Variants in TNRC6B observed in about 807,000 individuals in gnomAD.
The protein encoded by TNRC6B is trinucleotide repeat containing adaptor 6B, also known as trinucleotide repeat-containing gene 6B protein.
A neutral mutation model predicts 203.6 loss-of-function variants in TNRC6B; 52 were observed. That is an observed-to-expected ratio of 0.26 (90% CI 0.20 to 0.32). TNRC6B has a LOEUF of 0.32. Ranked by LOEUF, TNRC6B falls within the 10% of genes least tolerant of loss-of-function variation. The pLI is 1.00. For synonymous variants in TNRC6B, 838 were observed against 845.7 expected, an observed-to-expected ratio of 0.99 and a Z score of 0.16; for missense variants, 1,923 against 2,286.2, an observed-to-expected ratio of 0.84 and a Z score of 3.24.
At chr22:40,156,164 C>G in exon 4 of TNRC6B, 1 of 1,577,354 alleles carries the variant, frequency 6.3e-7, no homozygotes, top group Non-Finnish European at 8.6e-7. Context: ...ACTCCACCTC[C>G]TGGTGAAGAA....
intron 3 of TNRC6B, among the ~76,000 whole-genome samples, chr22:40,148,036 T>C (rs1447839759): frequency 6.6e-6 from 1 of 152,166 alleles, no homozygotes; most frequent in Non-Finnish European, 1.5e-5. Flanking sequence ...TTATGGCATA[T>C]AGGTTATATC....
Position 40,250,466 on chromosome 22 carries a change from T to C in TNRC6B, c.94-713T>C, listed in dbSNP as rs1270159613. Among the ~76,000 whole-genome samples the C allele has an allele frequency of 2.0e-5, 3 of 152,288 alleles. No individual in the cohort carries two copies. In the East Asian group the frequency reaches 5.8e-4, roughly 29 times the overall value. The stretch of plus-strand genomic sequence containing the variant: ...TTACTATATAAAGAAATACTTTCTT[T>C]TTTTTTTAACAAAGCACCCTTGATT... On this transcript the variant is annotated intron_variant, in intron 2 of 22. Coordinates refer to ENST00000454349, the MANE Select transcript of TNRC6B (RefSeq NM_001162501.2).
At chr22:40,222,428 GGAGGAATGGGGCTTGTGT>G (rs1445117765) in intron 1 of TNRC6B, among the ~76,000 whole-genome samples, 2 of 152,168 alleles carry the variant, frequency 1.3e-5, no homozygotes, top group Non-Finnish European at 2.9e-5. Flanking sequence ...AGAGGGCCAA[GGAGGAATGGGGCTTGTGT>G]GAGGAAATGG....
intron 3 of TNRC6B, among the ~76,000 whole-genome samples, chr22:40,257,491 T>G (rs1279990761): frequency 6.7e-6 from 1 of 148,554 alleles, no homozygotes; most frequent in South Asian, 2.2e-4. Flanking sequence ...CTGAGGCAGG[T>G]GGATCACCTG....
Position 40,335,036 on chromosome 22 carries a change from T to C in TNRC6B, c.*11795T>C, listed in dbSNP as rs1242081702. ...TTACCTTTAAGTGTTTTTTTTTTCT[T>C]ATACTTGAAGTTGCTTTTACGATAT... On this transcript the variant is annotated 3_prime_UTR_variant, in exon 23 of 23. Coordinates refer to ENST00000454349, the MANE Select transcript of TNRC6B (RefSeq NM_001162501.2). The C allele has an allele frequency of 6.6e-6, 1 of 152,570 alleles. No individual in the cohort carries two copies. Among genetic ancestry groups the C allele is most frequent in the Admixed American group, 6.5e-5 (1 of 15,280 alleles). The allele number at this position is 152,570 out of a possible 1,614,324, so 9.5% of individuals were successfully genotyped here.
chr22:40,165,830 C>G (rs570349790), intron 4 of TNRC6B, among the ~76,000 whole-genome samples: 174 of 152,134 alleles, frequency 1.1e-3, no homozygotes, highest in Non-Finnish European at 2.0e-3. Context: ...GAGTAACCAC[C>G]CCCATGATTC....
chr22:40,270,092 G>A lies in TNRC6B; in HGVS notation c.2807-30G>A, dbSNP rs774556758. 3.8e-6 allele frequency: 6 copies of A among 1,563,952 alleles called. No individual in the cohort carries two copies. The South Asian group carries it at 7.1e-5, about 18-fold the overall frequency. ...TATTATGGCATTTCATTTAACAAATGATTCTTAGAGACATTTCCTTTCTTT... is the reference window on the plus strand; with the variant it reads ...TATTATGGCATTTCATTTAACAAATAATTCTTAGAGACATTTCCTTTCTTT... On this transcript the variant is annotated intron_variant, in intron 5 of 22. Transcript: ENST00000454349.
chr22:40,126,191 TC>T (rs1297619956), intron 3 of TNRC6B, among the ~76,000 whole-genome samples: 6 of 152,366 alleles, frequency 3.9e-5, no homozygotes, highest in African/African-American at 1.2e-4. Context: ...GGTCCCCTGT[TC>T]CTGCTGCACA....
intron 3 of TNRC6B, among the ~76,000 whole-genome samples, chr22:40,254,058 C>T (rs927110426): frequency 6.6e-6 from 1 of 152,026 alleles, no homozygotes; most frequent in East Asian, 1.9e-4. Context: ...CCTGTATTCT[C>T]CACCATTAAA....
rs1569075354 is a variant in TNRC6B, at chr22:40,331,259, T to C, written c.*8018T>C. The C allele has an allele frequency of 1.3e-5, 2 of 154,078 alleles. No homozygotes were observed. The highest frequency in any genetic ancestry group is 1.4e-5 in the Non-Finnish European group (1 of 69,128). The allele number at this position is 154,078 out of a possible 1,614,324, so 9.5% of individuals were successfully genotyped here. A position where few individuals can be genotyped will look rare whatever the true frequency, so the allele number is the denominator to read the frequency against. The stretch of plus-strand genomic sequence containing the variant: ...GGGTATTACACACAAGGAAAAGGGG[T>C]TTTGAAGAGTTAAGATTGAAGTGTT... On this transcript the variant is annotated 3_prime_UTR_variant, in exon 23 of 23. Coordinates refer to ENST00000454349, the MANE Select transcript of TNRC6B (RefSeq NM_001162501.2).
intron 1 of TNRC6B, among the ~76,000 whole-genome samples, chr22:40,199,882 C>T (rs1319448256): frequency 2.6e-5 from 4 of 152,010 alleles, no homozygotes; most frequent in East Asian, 1.9e-4. Flanking sequence ...CTGCAACCTC[C>T]GCCTTCTGGG....
At chr22:40,221,651 T>C (rs930041482) in intron 1 of TNRC6B, among the ~76,000 whole-genome samples, 2 of 151,892 alleles carry the variant, frequency 1.3e-5, no homozygotes, top group African/African-American at 4.8e-5. Context: ...TTGGCCAAGC[T>C]GGTCTTGAAC....
At position 40,169,080 on chromosome 22, in the gene TNRC6B, A is replaced by G. The variant is rs752998255; in HGVS notation, c.113+12898A>G. The stretch of plus-strand genomic sequence containing the variant: ...ACATAGTAGGTGCTGTGCAACAAAT[A>G]ATGGTTGTTGACTGCATGAATGAAT... On this transcript the variant is annotated intron_variant, in intron 4 of 23. Coordinates refer to the TNRC6B transcript ENST00000301923. 6.0e-5 allele frequency among the ~76,000 whole-genome samples: 9 copies of G among 151,258 alleles called. 1 individual carries two copies. Among genetic ancestry groups the G allele is most frequent in the Non-Finnish European group, 1.3e-4 (9 of 67,908 alleles).
intron 4 of TNRC6B, among the ~76,000 whole-genome samples, chr22:40,166,673 G>T (rs949388617): frequency 8.5e-5 from 13 of 152,232 alleles, no homozygotes; most frequent in African/African-American, 2.4e-4. Context: ...AAAGTGGGCA[G>T]ATCACGAGGT....
At chr22:40,253,486 C>G (rs1308685956) in intron 3 of TNRC6B, 1 of 447,094 alleles carries the variant, frequency 2.2e-6, no homozygotes. Context: ...ATCAAACTTT[C>G]CTTTCTACTC....
At chr22:40,098,854 A>G (rs1049385379) in intron 1 of TNRC6B, among the ~76,000 whole-genome samples, 5 of 152,002 alleles carry the variant, frequency 3.3e-5, no homozygotes, top group African/African-American at 1.2e-4. Context: ...CAGCCTCTCA[A>G]AGTGCTGGGA....
At chr22:40,322,745 G>A in intron 22 of TNRC6B, 109 bp from the exon 23 acceptor site, 2 of 1,311,606 alleles carry the variant, frequency 1.5e-6, no homozygotes, top group Non-Finnish European at 2.1e-6. Context: ...GGATATGGCA[G>A]CTTCTAGTCA....
chr22:40,214,159 C>G (rs563844926), intron 1 of TNRC6B, among the ~76,000 whole-genome samples: 1 of 151,890 alleles, frequency 6.6e-6, no homozygotes, highest in Non-Finnish European at 1.5e-5. Flanking sequence ...CCCAGCTACT[C>G]GGGAGGCTGA....
At position 40,235,373 on chromosome 22, in the gene TNRC6B, G is replaced by A. The variant is rs114837388; in HGVS notation, c.6-10642G>A. 2.6e-3 allele frequency among the ~76,000 whole-genome samples: 396 copies of A among 152,246 alleles called. 1 individual carries two copies. The highest frequency in any genetic ancestry group is 9.3e-3 in the African/African-American group (386 of 41,532). On this transcript the variant is annotated intron_variant, in intron 1 of 22. Coordinates refer to ENST00000454349, the MANE Select transcript of TNRC6B (RefSeq NM_001162501.2). ...CCATGGAACTGGGGGTCCCGTGGGAGCTTTTTTCTTTTCCTGCACATTCAG... is the reference window on the plus strand; with the variant it reads ...CCATGGAACTGGGGGTCCCGTGGGAACTTTTTTCTTTTCCTGCACATTCAG...
Sources: allele counts gnomAD v4.1 joint callset (sites outside exome capture counted in the v4.1 genomes callset), GRCh38; gene constraint gnomAD v4.1.1; transcripts MANE v1.5; gene names NCBI Gene and HGNC (gene_info 2026-07-23, HGNC 2026-07-21).